MYO1F: variants seen among roughly 807,000 people sequenced by gnomAD.
MYO1F encodes unconventional myosin-If.
In MYO1F, 60 loss-of-function variants were observed where a neutral mutation model predicts 146.6. The ratio of observed to expected loss-of-function variants is 0.41; its 90% CI spans 0.33 to 0.51. The LOEUF is 0.51. Ranked by LOEUF, MYO1F falls within the 20% of genes least tolerant of loss-of-function variation. MYO1F has a pLI of 0.25. For missense variants in MYO1F, 1,274 were observed against 1,534.3 expected (o/e 0.83, Z 2.83); for synonymous variants, 602 against 602.1 (o/e 1.00, Z 0.00).
intron 5 of MYO1F, 21 bp downstream of exon 5, chr19:8,553,329 C>A (rs776091307): frequency 3.7e-6 from 6 of 1,613,600 alleles, no homozygotes; most frequent in Non-Finnish European, 5.1e-6. Context: ...CCAGCTTATC[C>A]TTCTGTTTTC....
At position 8,524,449 on chromosome 19, in the gene MYO1F, G is replaced by T. The variant is rs1599907313; in HGVS notation, c.2854+1030C>A. On this transcript the variant is annotated intron_variant, in intron 25 of 27. Coordinates refer to ENST00000644032, the MANE Select transcript of MYO1F (RefSeq NM_012335.4). ...AAAAAAAAAAAAAAATCTAGGCGTG[G>T]TAGCACACGCCTGTAGTCCCAGCTA... Among the ~76,000 whole-genome samples, 17 of 150,822 alleles carry T rather than the reference G, an allele frequency of 1.1e-4. 2 individuals are homozygous for T. In the South Asian group the frequency reaches 3.6e-3, roughly 32 times the overall value.
At position 8,551,724 on chromosome 19, in the gene MYO1F, A is replaced by G. The variant is rs982542868; in HGVS notation, c.771+16T>C. 82 of 1,613,978 alleles carry G rather than the reference A, an allele frequency of 5.1e-5. No individual in the cohort carries two copies. Among genetic ancestry groups the G allele is most frequent in the Non-Finnish European group, 6.7e-5 (79 of 1,180,026 alleles). On this transcript the variant is annotated intron_variant, in intron 8 of 27. Transcript: ENST00000644032. ...GGTCTGCCTGGCCGGGGACTGGAGT[A>G]GAGGCCGGTGCTCACCAGAGTCTCA...
intron 12 of MYO1F, among the ~76,000 whole-genome samples, chr19:8,547,403 A>T (rs920623975): frequency 2.0e-4 from 30 of 150,340 alleles, no homozygotes; most frequent in Admixed American, 1.9e-3. Flanking sequence ...CAGGAGTTTG[A>T]GACCAGTCTG....
intron 1 of MYO1F, among the ~76,000 whole-genome samples, chr19:8,561,868 C>A (rs1974148751): frequency 6.6e-6 from 1 of 151,808 alleles, no homozygotes; most frequent in Non-Finnish European, 1.5e-5. Context: ...AGGCGCGCAC[C>A]ACCACACCCG....
intron 1 of MYO1F, among the ~76,000 whole-genome samples, chr19:8,571,511 T>C (rs1184205485): frequency 2.0e-5 from 3 of 151,930 alleles, no homozygotes; most frequent in Non-Finnish European, 4.4e-5. Flanking sequence ...ACCTCCTGGG[T>C]TCAAGCGATT....
intron 10 of MYO1F, among the ~76,000 whole-genome samples, chr19:8,549,007 G>A (rs1407212999): frequency 6.6e-6 from 1 of 150,916 alleles, no homozygotes; most frequent in Non-Finnish European, 1.5e-5. Flanking sequence ...TGGAATGCCA[G>A]TGGCGCAATC....
Position 8,544,477 on chromosome 19 carries a change from C to T in MYO1F, c.1357-13G>A, listed in dbSNP as rs373435548. Reference sequence around the variant, plus strand: ...TGCCTGGGGGGCTCTGCGGGGCGAGCGGGAGCCAGCAGCGGCTCAGTTTGG... The same window carrying T: ...TGCCTGGGGGGCTCTGCGGGGCGAGTGGGAGCCAGCAGCGGCTCAGTTTGG... On this transcript the variant is annotated splice_polypyrimidine_tract_variant and intron_variant, in intron 13 of 27. Coordinates refer to ENST00000644032, the MANE Select transcript of MYO1F (RefSeq NM_012335.4). 20 of 1,563,410 alleles carry T rather than the reference C, an allele frequency of 1.3e-5. No homozygotes were observed. The highest frequency in any genetic ancestry group is 4.8e-5 in the East Asian group (2 of 41,900).
rs1244591188 is a variant in MYO1F at position 8,574,571 on chromosome 19, CTTT to C, written c.3+2733_3+2735del. ...TCTTTCTTTCTTTCTTTCTTTCTTT[CTTT>C]CTTTCTCTCTCTCTCTCTCTCTCTT... On this transcript the variant is annotated intron_variant, in intron 1 of 27. Transcript: ENST00000644032. Among the ~76,000 whole-genome samples, 806 of 90,058 alleles carry C rather than the reference CTTT, an allele frequency of 8.9e-3. 13 individuals are homozygous for C. Among genetic ancestry groups the C allele is most frequent in the African/African-American group, 0.028 (517 of 18,476 alleles). 59.1% of individuals were successfully genotyped at this position (90,058 alleles called of 152,430 possible).
rs1214832140 is a variant in MYO1F, at chr19:8,553,390, C to A, written c.374G>T (p.Gly125Val). 1.2e-6 allele frequency: 2 copies of A among 1,614,114 alleles called. No individual in the cohort carries two copies. The highest frequency in any genetic ancestry group is 2.2e-5 in the South Asian group (2 of 91,086). Residue 125 changes from glycine to valine, a missense_variant, in exon 5 of 28, where the codon GGC becomes GTC. Transcript: ENST00000644032. ...GKTVAAKYIM[G>V]YISKVSGGGE... is the part of the protein sequence containing the mutation. ...TCCGCCAGACACCTTGGAGATGTAGCCCATGATATATTTGGCTGCCACTGT... is the reference window on the plus strand; with the variant it reads ...TCCGCCAGACACCTTGGAGATGTAGACCATGATATATTTGGCTGCCACTGT...
rs537183845 is a variant in MYO1F, at chr19:8,574,685, T to C, written c.3+2622A>G. Among the ~76,000 whole-genome samples the C allele has an allele frequency of 9.5e-4, 119 of 124,712 alleles. 1 individual carries two copies. The highest frequency in any genetic ancestry group is 6.3e-3 in the South Asian group (23 of 3,634). 81.8% of individuals were successfully genotyped at this position (124,712 alleles called of 152,430 possible). On this transcript the variant is annotated intron_variant, in intron 1 of 27. Coordinates refer to ENST00000644032, the MANE Select transcript of MYO1F (RefSeq NM_012335.4). ...CTTCTTTCTCTCTTTCTTTCTTTCT[T>C]CCTTTCTCTTTCTCTCTTTCTTTCT...
chr19:8,545,004 T>C (rs1380101253), intron 13 of MYO1F, among the ~76,000 whole-genome samples: 1 of 152,072 alleles, frequency 6.6e-6, no homozygotes, highest in Non-Finnish European at 1.5e-5. Context: ...TTTCGAACTC[T>C]TGGCCTCAGG....
chr19:8,539,857 T>C (rs1354829656), intron 16 of MYO1F, 90 bp downstream of exon 16: 5 of 1,155,078 alleles, frequency 4.3e-6, no homozygotes, highest in Non-Finnish European at 6.4e-6. Context: ...CAGACAGACG[T>C]TGGAATGAGA....
chr19:8,574,577 T>TTCTTTCTTTCTTTCTTTCTCTC (rs1335184271), intron 1 of MYO1F, among the ~76,000 whole-genome samples: 33 of 79,762 alleles, frequency 4.1e-4, no homozygotes, highest in Non-Finnish European at 5.5e-4. Flanking sequence ...CTTTCTTTCT[T>TTCTTTCTTTCTTTCTTTCTCTC]TCTCTCTCTC....
chr19:8,524,329 T>C (rs948771946), intron 25 of MYO1F, among the ~76,000 whole-genome samples: 13 of 145,524 alleles, frequency 8.9e-5, no homozygotes, highest in African/African-American at 3.4e-4. Context: ...GGCAGGAGAA[T>C]CTCTTGAACC....
chr19:8,548,831 G>A (rs1341706553), intron 10 of MYO1F, among the ~76,000 whole-genome samples: 1 of 151,122 alleles, frequency 6.6e-6, no homozygotes, highest in African/African-American at 2.4e-5. Flanking sequence ...CTCGTGATCC[G>A]CCCGCCTCGG....
chr19:8,528,506 C>T (rs367585526), intron 21 of MYO1F, among the ~76,000 whole-genome samples: 11 of 151,728 alleles, frequency 7.2e-5, no homozygotes, highest in African/African-American at 2.4e-4. Flanking sequence ...CCAGCCTGGG[C>T]GACATAACAA....
At chr19:8,568,444 A>AAAAAAAAAG in intron 1 of MYO1F, among the ~76,000 whole-genome samples, 1 of 150,856 alleles carries the variant, frequency 6.6e-6, no homozygotes, top group Non-Finnish European at 1.5e-5. Context: ...AAAAAAAAAA[A>AAAAAAAAAG]ATTAATCACA....
At chr19:8,538,147 G>C (rs1972808711) in intron 16 of MYO1F, among the ~76,000 whole-genome samples, 1 of 150,764 alleles carries the variant, frequency 6.6e-6, no homozygotes, top group African/African-American at 2.4e-5. Context: ...TATATTTTTA[G>C]TAGAGACGGG....
chr19:8,568,696 A>G (rs1189076106), intron 1 of MYO1F, among the ~76,000 whole-genome samples: 1 of 152,066 alleles, frequency 6.6e-6, no homozygotes, highest in African/African-American at 2.4e-5. Flanking sequence ...CGAGGCAGGC[A>G]GATCACTTGA....
Sources: gnomAD v4.1 joint callset for allele counts (sites outside exome capture counted in the v4.1 genomes callset) on GRCh38, gnomAD v4.1.1 for gene constraint, MANE v1.5 for transcripts, NCBI Gene and HGNC (gene_info 2026-07-23, HGNC 2026-07-21) for gene names.